The following DDX52 variants were observed in gnomAD, a reference collection of about 807,000 sequenced individuals.
DDX52 encodes probable ATP-dependent RNA helicase DDX52.
Under a neutral mutation model 76.1 loss-of-function variants are expected in DDX52, and 59 were observed. That is an observed-to-expected ratio of 0.78 (90% CI 0.63 to 0.96). The LOEUF (loss-of-function observed/expected upper bound fraction) is 0.96. Ranked by LOEUF, DDX52 falls within the 40% of genes least tolerant of loss-of-function variation. The pLI is 0.00. For synonymous variants in DDX52, 231 were observed against 244.1 expected, an observed-to-expected ratio of 0.95 and a Z score of 0.50; for missense variants, 707 against 703.9, an observed-to-expected ratio of 1.00 and a Z score of -0.05.
intron 2 of DDX52, chr17:37,635,466 T>C (rs1224506383): frequency 5.3e-6 from 2 of 379,494 alleles, no homozygotes; most frequent in East Asian, 7.7e-5. Context: ...AATCATGTCA[T>C]ATGTACTAAT....
chr17:37,618,461 G>C, intron 13 of DDX52, 77 bp from the exon 14 acceptor site: 2 of 1,211,222 alleles, frequency 1.7e-6, no homozygotes, highest in Non-Finnish European at 2.3e-6. Context: ...AATTAGTTTT[G>C]ATCCTTGATC....
chr17:37,637,220 C>T (rs186874234), intron 2 of DDX52, among the ~76,000 whole-genome samples: 25 of 152,122 alleles, frequency 1.6e-4, no homozygotes, highest in African/African-American at 5.5e-4. Flanking sequence ...CAACCTCCGC[C>T]TCCCAGGTTC....
At chr17:37,616,625 A>T (rs1343245632) in intron 14 of DDX52, among the ~76,000 whole-genome samples, 1 of 151,456 alleles carries the variant, frequency 6.6e-6, no homozygotes, top group Non-Finnish European at 1.5e-5. Context: ...ACTGCACTCC[A>T]GCCTGGGCGA....
intron 5 of DDX52, among the ~76,000 whole-genome samples, chr17:37,629,090 G>A (rs574214539): frequency 6.6e-6 from 1 of 151,926 alleles, no homozygotes; most frequent in African/African-American, 2.4e-5. Flanking sequence ...GTGTGATGGT[G>A]CGCACCTGTA....
chr17:37,618,702 G>A (rs1284317857), intron 13 of DDX52, among the ~76,000 whole-genome samples: 1 of 152,032 alleles, frequency 6.6e-6, no homozygotes, highest in Non-Finnish European at 1.5e-5. Flanking sequence ...GGTCAGGCTG[G>A]TCTCAAACTC....
At chr17:37,632,461 T>C (rs1403395916) in intron 3 of DDX52, among the ~76,000 whole-genome samples, 163 bp from the exon 4 acceptor site, 1 of 152,236 alleles carries the variant, frequency 6.6e-6, no homozygotes, top group Admixed American at 6.5e-5. Context: ...GTACATTTCA[T>C]GCCCTTTCAT....
rs28496665 is a variant in DDX52, at chr17:37,635,453, C to T, written c.287-2035G>A. On this transcript the variant is annotated intron_variant, in intron 2 of 14. Coordinates refer to ENST00000617633, the MANE Select transcript of DDX52 (RefSeq NM_007010.5). ...TGCCTTTTCTGGAATTTTATATAAA[C>T]GGAATCATGTCATATGTACTAATTT... 2.4e-3 allele frequency: 808 copies of T among 340,404 alleles called. 4 individuals are homozygous for T. Among genetic ancestry groups the T allele is most frequent in the African/African-American group, 0.016 (743 of 46,448 alleles). The allele number at this position is 340,404 out of a possible 1,614,324, so 21.1% of individuals were successfully genotyped here.
rs944258337 is a variant in DDX52 at position 37,628,818 on chromosome 17, C to T, written c.748-146G>A. 3.4e-5 allele frequency: 21 copies of T among 625,496 alleles called. 1 individual carries two copies. Among genetic ancestry groups the T allele is most frequent in the East Asian group, 3.2e-4 (11 of 34,406 alleles). 38.7% of individuals were successfully genotyped at this position (625,496 alleles called of 1,614,324 possible). ...AACAATCTGTAGATTAACCTGAAAT[C>T]TCAGCATTTTGAAACTTCAATGCCT... On this transcript the variant is annotated intron_variant, in intron 5 of 14. Coordinates refer to ENST00000617633, the MANE Select transcript of DDX52 (RefSeq NM_007010.5).
chr17:37,638,925 A>T (rs531500982), intron 2 of DDX52, among the ~76,000 whole-genome samples: 33 of 151,878 alleles, frequency 2.2e-4, no homozygotes, highest in Non-Finnish European at 4.6e-4. Context: ...GTGCACCACC[A>T]TATCTGGCTA....
chr17:37,622,799 T>C (rs1382444153), intron 9 of DDX52, among the ~76,000 whole-genome samples: 1 of 152,210 alleles, frequency 6.6e-6, no homozygotes, highest in Admixed American at 6.5e-5. Flanking sequence ...TTAAATTTCC[T>C]AGTACCAAAT....
rs2030776112 is a variant in DDX52, at chr17:37,633,386, G to A, written c.319C>T (p.Gln107Ter). ...IASQEEGATI[Q>*]WMSSVEAKIE... ...TTTGCTTCTACAGATGACATCCACTGTATAGTAGCACCTTCTTCTTGGGAA... is the reference window on the plus strand; with the variant it reads ...TTTGCTTCTACAGATGACATCCACTATATAGTAGCACCTTCTTCTTGGGAA... The change falls in exon 3 of 15, where the codon CAG becomes TAG. Residue 107 changes from glutamine (Q) to a stop codon, truncating the protein, a stop_gained. Transcript: ENST00000617633. LOFTEE classifies it high-confidence loss of function. 2.5e-6 allele frequency: 4 copies of A among 1,594,764 alleles called. No homozygotes were observed. The African/African-American group carries it at 5.4e-5, about 22-fold the overall frequency.
In DDX52 at chr17:37,630,062, T is replaced by G; in HGVS notation, c.715A>C (p.Ile239Leu). ...GCAAGTTCTCGTGTTGGTGATATAATCAGGGCTCTGAAGCCTTTATTTGCG... is the reference window on the plus strand; with the variant it reads ...GCAAGTTCTCGTGTTGGTGATATAAGCAGGGCTCTGAAGCCTTTATTTGCG... ...QPANKGFRAL[I>L]ISPTRELASQ... is the part of the protein sequence containing the mutation. Residue 239 changes from isoleucine to leucine, a missense_variant, in exon 5 of 15, where the codon ATT becomes CTT. Ile to Leu is a conservative substitution (Grantham distance 5). Transcript: ENST00000617633. The G allele has an allele frequency of 6.2e-7, 1 of 1,613,728 alleles. No individual in the cohort carries two copies. The highest frequency in any genetic ancestry group is 2.2e-5 in the East Asian group (1 of 44,868).
At chr17:37,632,075 G>A in intron 4 of DDX52, 38 bp downstream of exon 4, 1 of 1,611,786 alleles carries the variant, frequency 6.2e-7, no homozygotes. Flanking sequence ...ACACACAGAG[G>A]AAGGAATGTT....
intron 14 of DDX52, among the ~76,000 whole-genome samples, chr17:37,615,785 G>A (rs2064417701): frequency 6.6e-6 from 1 of 152,156 alleles, no homozygotes; most frequent in Non-Finnish European, 1.5e-5. Context: ...GGAGGCCGAG[G>A]CGGGCGGATC....
intron 8 of DDX52, 132 bp downstream of exon 8, chr17:37,625,762 AG>A: frequency 1.0e-6 from 1 of 974,182 alleles, no homozygotes; most frequent in Non-Finnish European, 1.5e-6. Flanking sequence ...TTGGCTTAAA[AG>A]AACACATTTC....
intron 2 of DDX52, among the ~76,000 whole-genome samples, chr17:37,633,666 A>G (rs898555059): frequency 6.6e-6 from 1 of 151,850 alleles, no homozygotes; most frequent in African/African-American, 2.4e-5. Context: ...AAAAAAAAAA[A>G]AAAAGAAAAA....
intron 2 of DDX52, among the ~76,000 whole-genome samples, chr17:37,635,987 T>G (rs2030904773): frequency 6.6e-6 from 1 of 152,246 alleles, no homozygotes; most frequent in Non-Finnish European, 1.5e-5. Flanking sequence ...TGTATTATCT[T>G]CTTTAGTGAG....
chr17:37,624,414 A>G lies in DDX52; in HGVS notation c.1157T>C (p.Val386Ala). 1 of 1,604,266 alleles carries G rather than the reference A, an allele frequency of 6.2e-7. No individual in the cohort carries two copies. Residue 386 changes from valine to alanine, a missense_variant, in exon 9 of 15, where the codon GTA (valine) becomes GCA (alanine). Transcript: ENST00000617633. ...TCCAACAAAGAGAAGCTCTTGTTCT[A>G]CAGTTTCTACTGCAGAATTCCTGGG... Reference protein sequence around the residue: ...IGARNSAVETVEQELLFVGSE... With the variant: ...IGARNSAVETAEQELLFVGSE...
At chr17:37,621,621 G>A in intron 9 of DDX52, 101 bp from the exon 10 acceptor site, 2 of 1,444,592 alleles carry the variant, frequency 1.4e-6, no homozygotes, top group South Asian at 3.0e-5. Context: ...ATTCAATTTA[G>A]TGTACTTTCT....
Sources: allele counts gnomAD v4.1 joint callset (sites outside exome capture counted in the v4.1 genomes callset), GRCh38; gene constraint gnomAD v4.1.1; transcripts MANE v1.5; gene names NCBI Gene and HGNC (gene_info 2026-07-23, HGNC 2026-07-21).